Variants in SMYD3 observed in about 807,000 individuals in gnomAD.
The protein encoded by SMYD3 is SET and MYND domain containing 3, also known as histone-lysine N-methyltransferase SMYD3.
In SMYD3, 36 loss-of-function variants were observed where a neutral mutation model predicts 57.7. The observed-to-expected ratio is 0.62, with a 90% CI of 0.48 to 0.82. The LOEUF (loss-of-function observed/expected upper bound fraction) is 0.82, where lower values mean the gene tolerates loss of function less well. Among genes scored for constraint, SMYD3 ranks in the 40% least tolerant of loss-of-function variants. SMYD3 has a pLI of 0.00. For synonymous variants in SMYD3, 211 were observed against 195.0 expected, an observed-to-expected ratio of 1.08 and a Z score of -0.68; for missense variants, 515 against 538.8, an observed-to-expected ratio of 0.96 and a Z score of 0.44.
At chr1:246,384,651 C>A (rs889988503) in intron 1 of SMYD3, among the ~76,000 whole-genome samples, 2 of 152,184 alleles carry the variant, frequency 1.3e-5, no homozygotes, top group Non-Finnish European at 2.9e-5. Flanking sequence ...CCCGCCTCGG[C>A]CTCCCAAAGT....
At chr1:246,115,897 C>T (rs6426277) in intron 5 of SMYD3, among the ~76,000 whole-genome samples, 2 of 151,790 alleles carry the variant, frequency 1.3e-5, no homozygotes, top group Non-Finnish European at 2.9e-5. Flanking sequence ...CCAGCACTTC[C>T]GGAGGCCAAG....
intron 5 of SMYD3, among the ~76,000 whole-genome samples, chr1:246,137,507 A>G (rs2061681626): frequency 6.6e-6 from 1 of 152,146 alleles, no homozygotes; most frequent in Admixed American, 6.5e-5. Flanking sequence ...GTGAGTAGCA[A>G]TTTTCAAGGT....
intron 1 of SMYD3, among the ~76,000 whole-genome samples, chr1:246,433,499 A>G (rs752673252): frequency 1.2e-4 from 18 of 152,232 alleles, no homozygotes; most frequent in Non-Finnish European, 2.4e-4. Context: ...CATCTCTACT[A>G]AAAATACAAA....
chr1:246,380,911 AAG>A (rs1390259652), intron 1 of SMYD3, among the ~76,000 whole-genome samples: 2 of 152,210 alleles, frequency 1.3e-5, no homozygotes, highest in Non-Finnish European at 2.9e-5. Flanking sequence ...GGTAAAGGCA[AAG>A]AGAATTGGAA....
chr1:245,801,038 A>G (rs552346504), intron 10 of SMYD3, among the ~76,000 whole-genome samples: 4 of 152,218 alleles, frequency 2.6e-5, no homozygotes, highest in Non-Finnish European at 5.9e-5. Context: ...CCCTCTAGAT[A>G]CTATTATGCA....
At chr1:246,085,155 T>G (rs1042579391) in intron 5 of SMYD3, among the ~76,000 whole-genome samples, 1 of 152,196 alleles carries the variant, frequency 6.6e-6, no homozygotes, top group Non-Finnish European at 1.5e-5. Flanking sequence ...TTTAAACACT[T>G]CAATATAGAA....
chr1:245,826,259 T>C (rs757306857), intron 10 of SMYD3, among the ~76,000 whole-genome samples: 16 of 152,048 alleles, frequency 1.1e-4, no homozygotes, highest in Non-Finnish European at 1.9e-4. Flanking sequence ...TTGCCTGCTT[T>C]AGATACTTCA....
chr1:246,114,612 G>A (rs760483798), intron 5 of SMYD3, among the ~76,000 whole-genome samples: 2 of 152,222 alleles, frequency 1.3e-5, no homozygotes, highest in Admixed American at 6.5e-5. Flanking sequence ...ATTGCTTCCC[G>A]CTAATAAACT....
At chr1:246,128,843 C>T (rs1433146681) in intron 5 of SMYD3, among the ~76,000 whole-genome samples, 1 of 152,000 alleles carries the variant, frequency 6.6e-6, no homozygotes, top group Non-Finnish European at 1.5e-5. Context: ...CACTCTGTTG[C>T]CCAGGCTGGA....
intron 10 of SMYD3, among the ~76,000 whole-genome samples, chr1:245,846,097 G>A (rs557396139): frequency 1.3e-5 from 2 of 152,066 alleles, no homozygotes; most frequent in Admixed American, 6.5e-5. Context: ...TGAATGGGGT[G>A]GGGGGGAAGA....
Position 246,248,631 on chromosome 1 carries a change from C to CTTGTTTTTTTTTTTTTTTTTTTTT in SMYD3, c.531+78569_531+78570insAAAAAAAAAAAAAAAAAAAAACAA, listed in dbSNP as rs1309872022. Among the ~76,000 whole-genome samples, 2 of 119,266 alleles carry CTTGTTTTTTTTTTTTTTTTTTTTT rather than the reference C, an allele frequency of 1.7e-5. 1 individual carries two copies. The highest frequency in any genetic ancestry group is 6.8e-5 in the African/African-American group (2 of 29,300). The allele number at this position is 119,266 out of a possible 152,430, so 78.2% of individuals were successfully genotyped here. A position where few individuals can be genotyped will look rare whatever the true frequency, so the allele number is the denominator to read the frequency against. ...GGCCAGTTATGCAAAAGCTCTCTGACTTTCCTTTTTTTTTTTTTTTTTTTT... is the reference window on the plus strand; with the variant it reads ...GGCCAGTTATGCAAAAGCTCTCTGACTTGTTTTTTTTTTTTTTTTTTTTTTTTCCTTTTTTTTTTTTTTTTTTTT... On this transcript the variant is annotated intron_variant, in intron 5 of 11. Coordinates refer to ENST00000490107, the MANE Select transcript of SMYD3 (RefSeq NM_001167740.2).
intron 1 of SMYD3, among the ~76,000 whole-genome samples, chr1:246,385,196 G>C (rs562460232): frequency 1.3e-5 from 2 of 152,196 alleles, no homozygotes; most frequent in African/African-American, 4.8e-5. Flanking sequence ...TTTAAACTAT[G>C]TGCATAACAC....
intron 1 of SMYD3, among the ~76,000 whole-genome samples, chr1:246,416,101 T>C (rs1260862116): frequency 6.6e-6 from 1 of 152,214 alleles, no homozygotes; most frequent in Non-Finnish European, 1.5e-5. Flanking sequence ...AATAAATTTT[T>C]TGAGAAATAA....
At chr1:246,411,904 A>G (rs1055608689) in intron 1 of SMYD3, among the ~76,000 whole-genome samples, 22 of 151,290 alleles carry the variant, frequency 1.5e-4, no homozygotes, top group Non-Finnish European at 2.9e-4. Flanking sequence ...GCAGCACACT[A>G]ACATGGCACA....
chr1:246,012,387 C>G (rs1180463790), intron 5 of SMYD3, among the ~76,000 whole-genome samples: 1 of 152,196 alleles, frequency 6.6e-6, no homozygotes, highest in Non-Finnish European at 1.5e-5. Flanking sequence ...GAGGAGAAAT[C>G]TACTCCCAGC....
intron 5 of SMYD3, among the ~76,000 whole-genome samples, chr1:246,120,019 T>C (rs1292471254): frequency 1.3e-5 from 2 of 152,174 alleles, no homozygotes; most frequent in Admixed American, 6.5e-5. Flanking sequence ...TCTATTTTTA[T>C]GCTTAGGTCT....
intron 5 of SMYD3, among the ~76,000 whole-genome samples, chr1:246,120,428 C>T (rs6693724): frequency 0.18 from 27,367 of 152,074 alleles, 3,196 homozygotes; most frequent in East Asian, 0.41. Flanking sequence ...TTCCTAAACT[C>T]AAGGGTCGCT....
chr1:245,881,081 A>T (rs1392981945), intron 8 of SMYD3, among the ~76,000 whole-genome samples: 1 of 152,194 alleles, frequency 6.6e-6, no homozygotes, highest in African/African-American at 2.4e-5. Flanking sequence ...ACATTTGTTC[A>T]TTATAAAAAT....
intron 8 of SMYD3, among the ~76,000 whole-genome samples, chr1:245,912,302 C>T (rs1427514073): frequency 1.3e-5 from 2 of 151,962 alleles, no homozygotes; most frequent in Non-Finnish European, 2.9e-5. Context: ...TAAATTTAAC[C>T]AAGGAGGTGA....
Sources: allele counts gnomAD v4.1 joint callset (sites outside exome capture counted in the v4.1 genomes callset), GRCh38; gene constraint gnomAD v4.1.1; transcripts MANE v1.5; gene names NCBI Gene and HGNC (gene_info 2026-07-23, HGNC 2026-07-21).